The following SYN2 variants were observed in gnomAD, a reference collection of about 807,000 sequenced individuals.
SYN2 encodes the protein synapsin II, also known as synapsin-2.
In SYN2, 19 loss-of-function variants were observed where a neutral mutation model predicts 50.9. That is an observed-to-expected ratio of 0.37 (90% CI 0.26 to 0.55). The LOEUF (loss-of-function observed/expected upper bound fraction) is 0.55, where lower values mean the gene tolerates loss of function less well. Ranked by LOEUF, SYN2 falls within the 20% of genes least tolerant of loss-of-function variation. The pLI is 0.81. For missense variants in SYN2, 587 were observed against 576.4 expected, an observed-to-expected ratio of 1.02 and a Z score of -0.19; for synonymous variants, 255 against 224.9, an observed-to-expected ratio of 1.13 and a Z score of -1.20.
chr3:12,171,657 C>G (rs1158929223), intron 10 of SYN2, among the ~76,000 whole-genome samples: 1 of 152,196 alleles, frequency 6.6e-6, no homozygotes, highest in East Asian at 1.9e-4. Flanking sequence ...GTCAGGAGAC[C>G]TGCATTTAGC....
At chr3:12,085,377 A>G (rs2648351) in intron 1 of SYN2, among the ~76,000 whole-genome samples, 131,113 of 151,112 alleles carry the variant, frequency 0.87, 57,240 homozygotes, top group East Asian at 1. Context: ...ACACACACAC[A>G]CACGCACGCA....
intron 11 of SYN2, among the ~76,000 whole-genome samples, chr3:12,186,526 G>A (rs150345827): frequency 6.6e-6 from 1 of 152,316 alleles, no homozygotes; most frequent in East Asian, 1.9e-4. Context: ...GGGTTTGGAT[G>A]TCTTGAGAAT....
At chr3:12,027,196 C>T (rs1031529949) in intron 1 of SYN2, among the ~76,000 whole-genome samples, 1 of 152,140 alleles carries the variant, frequency 6.6e-6, no homozygotes, top group African/African-American at 2.4e-5. Context: ...GCCTTCCCAG[C>T]TCTTCTCCAT....
chr3:12,097,619 AAAAG>A (rs1387951993), intron 1 of SYN2, among the ~76,000 whole-genome samples: 20 of 152,112 alleles, frequency 1.3e-4, no homozygotes, highest in East Asian at 1.9e-4. Context: ...AAAAAAAAAA[AAAAG>A]AAAGAAAAAA....
At chr3:12,095,007 G>A (rs1237877155) in intron 1 of SYN2, among the ~76,000 whole-genome samples, 1 of 152,156 alleles carries the variant, frequency 6.6e-6, no homozygotes, top group Non-Finnish European at 1.5e-5. Context: ...GGTGACTGAT[G>A]TTCTTAGATA....
chr3:12,153,712 T>G (rs749858749), intron 5 of SYN2: 1 of 1,614,186 alleles, frequency 6.2e-7, no homozygotes, highest in Non-Finnish European at 8.5e-7. Context: ...CAGGTGGTGA[T>G]CTAGAGTCAT....
intron 3 of SYN2, among the ~76,000 whole-genome samples, chr3:12,143,769 A>G (rs1697083626): frequency 6.6e-6 from 1 of 152,166 alleles, no homozygotes; most frequent in South Asian, 2.1e-4. Context: ...GTGTCTTTTA[A>G]TATGATGATT....
chr3:12,186,700 C>T (rs1264314231), intron 11 of SYN2, among the ~76,000 whole-genome samples: 2 of 152,150 alleles, frequency 1.3e-5, no homozygotes, highest in Non-Finnish European at 1.5e-5. Context: ...ATCAGACCCA[C>T]GCAGGCTTGG....
chr3:12,156,910 TG>T, intron 5 of SYN2: 1 of 1,614,126 alleles, frequency 6.2e-7, no homozygotes, highest in South Asian at 1.1e-5. Context: ...TGAACATCCT[TG>T]ACTTTCTCAA....
intron 1 of SYN2, among the ~76,000 whole-genome samples, chr3:12,081,879 A>G (rs931429891): frequency 1.3e-5 from 2 of 152,128 alleles, no homozygotes; most frequent in East Asian, 1.9e-4. Context: ...TATAGCTCAC[A>G]TTGTTCGTTC....
chr3:12,079,545 A>G (rs57256830), intron 1 of SYN2, among the ~76,000 whole-genome samples: 1 of 152,108 alleles, frequency 6.6e-6, no homozygotes, highest in Non-Finnish European at 1.5e-5. Context: ...ACTTTTCTGC[A>G]TCTATTGAGA....
rs1403693235 is a variant in SYN2 at position 12,169,829 on chromosome 3, A to T, written c.1231A>T (p.Ile411Phe). ...CAGGCAACTCATCACCGAACTAGTCATCAGCAAGATGAACCAGCTGCTGTC... is the reference window on the plus strand; with the variant it reads ...CAGGCAACTCATCACCGAACTAGTCTTCAGCAAGATGAACCAGCTGCTGTC... ...EDRQLITELVISKMNQLLSRT... is the reference protein window; with the variant it reads ...EDRQLITELVFSKMNQLLSRT... Residue 411 changes from isoleucine to phenylalanine, a missense_variant, in exon 10 of 13, where the codon ATC becomes TTC. Coordinates refer to ENST00000621198, the MANE Select transcript of SYN2 (RefSeq NM_133625.6). 6.2e-7 allele frequency: 1 copy of T among 1,613,836 alleles called. No individual in the cohort carries two copies. Among genetic ancestry groups the T allele is most frequent in the Non-Finnish European group, 8.5e-7 (1 of 1,179,858 alleles).
chr3:12,172,402 G>A (rs879278284), intron 10 of SYN2, among the ~76,000 whole-genome samples: 4 of 152,154 alleles, frequency 2.6e-5, no homozygotes, highest in Non-Finnish European at 5.9e-5. Flanking sequence ...CAGTTCTCTG[G>A]AAGAACTCAC....
At chr3:12,066,137 C>T (rs1290660790) in intron 1 of SYN2, among the ~76,000 whole-genome samples, 1 of 152,042 alleles carries the variant, frequency 6.6e-6, no homozygotes, top group Admixed American at 6.5e-5. Flanking sequence ...TGGATGATAT[C>T]CGGGTAAAGA....
intron 1 of SYN2, among the ~76,000 whole-genome samples, chr3:12,063,719 A>G (rs544809656): frequency 2.6e-5 from 4 of 152,154 alleles, no homozygotes; most frequent in Admixed American, 6.5e-5. Context: ...CTGAAGCCCA[A>G]TTGAAAGGGT....
intron 1 of SYN2, among the ~76,000 whole-genome samples, chr3:12,062,414 A>T (rs1695131074): frequency 6.6e-6 from 1 of 152,004 alleles, no homozygotes; most frequent in African/African-American, 2.4e-5. Context: ...AAGAAAACAC[A>T]GGAGGAACTC....
At chr3:12,005,217 G>T (rs766457301) in intron 1 of SYN2, among the ~76,000 whole-genome samples, 28 of 152,140 alleles carry the variant, frequency 1.8e-4, no homozygotes, top group Non-Finnish European at 3.1e-4. Context: ...AAGGCCCTTA[G>T]GAAATAGTTT....
intron 11 of SYN2, chr3:12,185,549 G>A (rs541440689): frequency 1.0e-6 from 1 of 985,860 alleles, no homozygotes; most frequent in Admixed American, 6.1e-5. Context: ...GGACATCTGT[G>A]TCACAGTATA....
chr3:12,160,489 A>G (rs939167114), intron 5 of SYN2, among the ~76,000 whole-genome samples: 2 of 152,106 alleles, frequency 1.3e-5, no homozygotes, highest in Non-Finnish European at 2.9e-5. Context: ...TTTCATTTTG[A>G]TGGTGTTAGT....
Sources: gnomAD v4.1 joint callset for allele counts (sites outside exome capture counted in the v4.1 genomes callset) on GRCh38, gnomAD v4.1.1 for gene constraint, MANE v1.5 for transcripts, NCBI Gene and HGNC (gene_info 2026-07-23, HGNC 2026-07-21) for gene names.